SPDYA: variants seen among roughly 807,000 people sequenced by gnomAD.
The protein encoded by SPDYA is speedy/RINGO cell cycle regulator family member A, also known as speedy protein A.
A neutral mutation model predicts 36.7 loss-of-function variants in SPDYA; 11 were observed. That is an observed-to-expected ratio of 0.30 (90% CI 0.19 to 0.50). The LOEUF is 0.50. SPDYA is among the 20% of genes least tolerant of loss of function. The probability of loss-of-function intolerance (pLI) is 0.98; values close to 1 mark genes in which losing one functional copy is unlikely to be tolerated. For missense variants in SPDYA, 287 were observed against 370.9 expected, an observed-to-expected ratio of 0.77 and a Z score of 1.86; for synonymous variants, 115 against 118.7, an observed-to-expected ratio of 0.97 and a Z score of 0.20.
At chr2:28,821,231 A>C in intron 4 of SPDYA, among the ~76,000 whole-genome samples, 1 of 111,168 alleles carries the variant, frequency 9.0e-6, no homozygotes, top group African/African-American at 3.6e-5. Flanking sequence ...ATGGAGTCTC[A>C]CTCTGTCATC....
At chr2:28,817,193 CT>C (rs980465561) in intron 3 of SPDYA, among the ~76,000 whole-genome samples, 1 of 152,172 alleles carries the variant, frequency 6.6e-6, no homozygotes, top group African/African-American at 2.4e-5. Context: ...TACCTGCAAA[CT>C]TTTTTAGTAC....
intron 3 of SPDYA, among the ~76,000 whole-genome samples, chr2:28,818,466 A>G (rs1012841626): frequency 2.0e-5 from 3 of 149,518 alleles, no homozygotes; most frequent in African/African-American, 7.5e-5. Flanking sequence ...AAAAAAGAGA[A>G]AGAGAGAAAG....
chr2:28,826,267 G>C (rs942461889), intron 5 of SPDYA, among the ~76,000 whole-genome samples: 4 of 152,094 alleles, frequency 2.6e-5, no homozygotes, highest in Admixed American at 2.6e-4. Context: ...CTCCCAAGTA[G>C]CTGGGACTAC....
intron 7 of SPDYA, among the ~76,000 whole-genome samples, chr2:28,844,053 TA>T (rs1439817902): frequency 1.3e-5 from 2 of 152,234 alleles, no homozygotes; most frequent in African/African-American, 2.4e-5. Flanking sequence ...TAAAACCAAG[TA>T]ATTTTTCCTC....
intron 1 of SPDYA, among the ~76,000 whole-genome samples, chr2:28,813,142 A>G (rs976394764): frequency 5.3e-5 from 8 of 152,174 alleles, no homozygotes; most frequent in African/African-American, 1.9e-4. Context: ...GTGTTTGCTT[A>G]TTAAAGACAA....
chr2:28,846,614 G>A (rs1668881416), intron 7 of SPDYA, among the ~76,000 whole-genome samples: 1 of 152,052 alleles, frequency 6.6e-6, no homozygotes, highest in African/African-American at 2.4e-5. Flanking sequence ...AAACCAGACT[G>A]TAAACATACT....
rs942181227 is a variant in SPDYA at position 28,840,889 on chromosome 2, C to T, written c.850+420C>T. On this transcript the variant is annotated intron_variant, in intron 7 of 7. Transcript: ENST00000334056. ...CTAGGCCTGCTTTTTTCATTTATCACGAAGTATTTTCCCATGTCATTATTG... is the reference window on the plus strand; with the variant it reads ...CTAGGCCTGCTTTTTTCATTTATCATGAAGTATTTTCCCATGTCATTATTG... 1.3e-5 allele frequency: 7 copies of T among 527,636 alleles called. No homozygotes were observed. In the South Asian group the frequency reaches 2.5e-4, roughly 19 times the overall value. 32.7% of individuals were successfully genotyped at this position (527,636 alleles called of 1,614,324 possible).
intron 3 of SPDYA, among the ~76,000 whole-genome samples, chr2:28,817,286 G>C (rs552013884): frequency 2.2e-4 from 34 of 152,316 alleles, no homozygotes; most frequent in Non-Finnish European, 4.4e-4. Context: ...TAGAGCCTGG[G>C]CGCGGTGGCT....
chr2:28,832,055 C>T (rs967720893), intron 6 of SPDYA, among the ~76,000 whole-genome samples: 1 of 152,166 alleles, frequency 6.6e-6, no homozygotes, highest in African/African-American at 2.4e-5. Context: ...AACTTTATCC[C>T]CCAGCTACCA....
chr2:28,830,575 T>C (rs745667150), intron 6 of SPDYA, among the ~76,000 whole-genome samples: 5 of 152,234 alleles, frequency 3.3e-5, no homozygotes, highest in Non-Finnish European at 7.4e-5. Context: ...AAGGGTGATA[T>C]GAACAAACCA....
At position 28,840,259 on chromosome 2, in the gene SPDYA, G is replaced by T; in HGVS notation, c.640G>T (p.Glu214Ter). 1 of 1,613,858 alleles carries T rather than the reference G, an allele frequency of 6.2e-7. No individual in the cohort carries two copies. The highest frequency in any genetic ancestry group is 8.5e-7 in the Non-Finnish European group (1 of 1,179,966). The change falls in exon 7 of 8, where the codon GAA becomes TAA. Residue 214 changes from glutamate (E) to a stop codon, truncating the protein, a stop_gained. Coordinates refer to ENST00000334056, the MANE Select transcript of SPDYA (RefSeq NM_182756.4). LOFTEE classifies it high-confidence loss of function. ...AGCTGTCAGAAACTACAACAGAGAT[G>T]AAGTTCAGCTGCCCCGGGGACCTAG... is the stretch of plus-strand genomic sequence containing the variant. ...SGAVRNYNRD[E>*]VQLPRGPSAT...
intron 7 of SPDYA, among the ~76,000 whole-genome samples, chr2:28,845,810 G>T (rs974662570): frequency 1.3e-5 from 2 of 152,142 alleles, no homozygotes; most frequent in African/African-American, 4.8e-5. Flanking sequence ...CTCCCAAAGT[G>T]CTGGGATTAC....
At chr2:28,824,397 G>C (rs1668260860) in intron 5 of SPDYA, among the ~76,000 whole-genome samples, 1 of 147,442 alleles carries the variant, frequency 6.8e-6, no homozygotes, top group Non-Finnish European at 1.5e-5. Flanking sequence ...AGGATCACTT[G>C]AGCCCAGGAG....
At chr2:28,829,391 G>C in intron 6 of SPDYA, 72 bp downstream of exon 6, 4 of 1,409,300 alleles carry the variant, frequency 2.8e-6, no homozygotes, top group Non-Finnish European at 3.8e-6. Context: ...GTTTTTTAAT[G>C]TGCTTCTAAT....
intron 6 of SPDYA, among the ~76,000 whole-genome samples, chr2:28,837,031 T>C (rs1668621216): frequency 6.6e-6 from 1 of 152,240 alleles, no homozygotes; most frequent in African/African-American, 2.4e-5. Flanking sequence ...AATATCATCA[T>C]AGCTGAGTTC....
intron 7 of SPDYA, among the ~76,000 whole-genome samples, chr2:28,844,168 C>T (rs1401119079): frequency 2.0e-5 from 3 of 152,132 alleles, no homozygotes. Context: ...ATAATTAGGG[C>T]ATATAAGTTA....
rs1182645102 is a variant in SPDYA, at chr2:28,817,880, G to T, written c.236-1168G>T. Among the ~76,000 whole-genome samples, 3 of 111,158 alleles carry T rather than the reference G, an allele frequency of 2.7e-5. No homozygotes were observed. The Admixed American group carries it at 3.3e-4, about 12-fold the overall frequency. 72.9% of individuals were successfully genotyped at this position (111,158 alleles called of 152,430 possible). On this transcript the variant is annotated intron_variant, in intron 3 of 7. Coordinates refer to ENST00000334056, the MANE Select transcript of SPDYA (RefSeq NM_182756.4). ...AAAAAAAAAAAAAAAAAAAAAAAAG[G>T]CTGGATATGGTGGCTCATGCCTGTA...
At chr2:28,835,786 C>T (rs552607703) in intron 6 of SPDYA, among the ~76,000 whole-genome samples, 22 of 152,310 alleles carry the variant, frequency 1.4e-4, no homozygotes, top group African/African-American at 4.3e-4. Context: ...ATCCTGTAGG[C>T]GTATAGAAAA....
chr2:28,818,440 T>TAAAAAA (rs372056967), intron 3 of SPDYA, among the ~76,000 whole-genome samples: 3 of 110,002 alleles, frequency 2.7e-5, no homozygotes, highest in Non-Finnish European at 5.7e-5. Flanking sequence ...CCTGTCTCTT[T>TAAAAAA]AAAAAAAAAA....
Sources: gnomAD v4.1 joint callset for allele counts (sites outside exome capture counted in the v4.1 genomes callset) on GRCh38, gnomAD v4.1.1 for gene constraint, MANE v1.5 for transcripts, NCBI Gene and HGNC (gene_info 2026-07-23, HGNC 2026-07-21) for gene names.